SYT7: variants seen among roughly 807,000 people sequenced by gnomAD.
The protein encoded by SYT7 is synaptotagmin-7.
In SYT7, 29 loss-of-function variants were observed where a neutral mutation model predicts 75.1. That is an observed-to-expected ratio of 0.39 (90% CI 0.29 to 0.53). SYT7 has a LOEUF of 0.53. Ranked by LOEUF, SYT7 falls within the 20% of genes least tolerant of loss-of-function variation. SYT7 has a pLI of 0.77. For synonymous variants in SYT7, 376 were observed against 401.7 expected, an observed-to-expected ratio of 0.94 and a Z score of 0.76; for missense variants, 693 against 953.2, an observed-to-expected ratio of 0.73 and a Z score of 3.59.
intron 1 of SYT7, among the ~76,000 whole-genome samples, chr11:61,570,880 G>T (rs2063902413): frequency 6.6e-6 from 1 of 152,086 alleles, no homozygotes; most frequent in Non-Finnish European, 1.5e-5. Context: ...ACCATCAAAG[G>T]GTAGGACCAG....
At chr11:61,547,094 A>G (rs2063213705) in intron 4 of SYT7, 83 bp downstream of exon 4, 15 of 1,464,422 alleles carry the variant, frequency 1.0e-5, no homozygotes, top group Non-Finnish European at 1.4e-5. Context: ...GAGCGGGTCC[A>G]GAGGTGGGTG....
intron 1 of SYT7, among the ~76,000 whole-genome samples, chr11:61,572,124 G>GC (rs1183934292): frequency 3.3e-5 from 5 of 152,162 alleles, no homozygotes; most frequent in African/African-American, 1.2e-4. Context: ...GTTGGGGGGG[G>GC]GGCACACAGA....
In SYT7 at chr11:61,541,295, G is replaced by A. The variant is rs1028522469; in HGVS notation, c.941+916C>T. On this transcript the variant is annotated intron_variant, in intron 6 of 12. Transcript: ENST00000539008. ...CCTGGGCGATGGGAACAATCCCCAG[G>A]GCCTGGAAGGAAGCTCACGTTAGGG... 10 of 985,400 alleles carry A rather than the reference G, an allele frequency of 1.0e-5. 1 individual carries two copies. The African/African-American group carries it at 1.6e-4, about 16-fold the overall frequency. 61.0% of individuals were successfully genotyped at this position (985,400 alleles called of 1,614,324 possible).
rs1032433183 is a variant in SYT7, at chr11:61,553,600, T to C, written c.136-2137A>G. On this transcript the variant is annotated intron_variant, in intron 2 of 12. Coordinates refer to ENST00000539008, the MANE Select transcript of SYT7 (RefSeq NM_001365809.2). The surrounding 1 kb of genome is among the most constrained non-coding windows in gnomAD (Gnocchi z 5.2). ...CTCTGCAGCAGGAGCCGAGGTGCTA[T>C]GGGGGACAGGAACCAGGCCAGGACT... 2.0e-5 allele frequency among the ~76,000 whole-genome samples: 3 copies of C among 152,144 alleles called. No homozygotes were observed. The highest frequency in any genetic ancestry group is 4.8e-5 in the African/African-American group (2 of 41,534).
At chr11:61,537,960 C>T (rs577742249) in intron 7 of SYT7, among the ~76,000 whole-genome samples, 184 bp downstream of exon 7, 1 of 152,170 alleles carries the variant, frequency 6.6e-6, no homozygotes, top group Non-Finnish European at 1.5e-5. Flanking sequence ...GCCTCAGACC[C>T]CAGGGACACC....
At chr11:61,531,112 C>T (rs1285411676) in intron 8 of SYT7, 1 of 985,354 alleles carries the variant, frequency 1.0e-6, no homozygotes, top group African/African-American at 1.7e-5. Context: ...CCAGGACAGG[C>T]TGAGGTCACA....
In SYT7 at chr11:61,524,080, C is replaced by T. The variant is rs1430702021; in HGVS notation, c.1642-139G>A. On this transcript the variant is annotated intron_variant, in intron 10 of 12. Coordinates refer to ENST00000539008, the MANE Select transcript of SYT7 (RefSeq NM_001365809.2). This position sits in a 1 kb window ranked among gnomAD's most constrained non-coding sequence, Gnocchi z 4.1. ...CTGTCACCTCTGTCTCACTCTGTCT[C>T]CCCCCATCTGGCAGGTGTGTGTACT... The T allele has an allele frequency of 2.4e-6, 2 of 826,258 alleles. No individual in the cohort carries two copies. The highest frequency in any genetic ancestry group is 2.3e-5 in the Admixed American group (1 of 42,850). The allele number at this position is 826,258 out of a possible 1,614,324, so 51.2% of individuals were successfully genotyped here.
upstream of SYT7, chr11:61,581,083 G>A (rs897937046): frequency 5.5e-6 from 2 of 362,528 alleles, no homozygotes; most frequent in African/African-American, 2.2e-5. Flanking sequence ...GTGCGCGCCG[G>A]AGCGTGTGTG....
chr11:61,557,755 G>T (rs2063535286), intron 1 of SYT7, among the ~76,000 whole-genome samples: 1 of 152,234 alleles, frequency 6.6e-6, no homozygotes, highest in Non-Finnish European at 1.5e-5. Flanking sequence ...GCACCCAGGA[G>T]CTCTGACCTG....
chr11:61,542,906 G>A lies in SYT7; in HGVS notation c.573-327C>T, dbSNP rs938343743. Among the ~76,000 whole-genome samples the A allele has an allele frequency of 2.6e-5, 4 of 152,218 alleles. No homozygotes were observed. Among genetic ancestry groups the A allele is most frequent in the Admixed American group, 6.5e-5 (1 of 15,282 alleles). On this transcript the variant is annotated intron_variant, in intron 5 of 12. Coordinates refer to ENST00000539008, the MANE Select transcript of SYT7 (RefSeq NM_001365809.2). This position sits in a 1 kb window ranked among gnomAD's most constrained non-coding sequence, Gnocchi z 7.8. ...GGGCTGCGAGTGCTGCTGAGGCTGC[G>A]TGGTGAAGGCAGGTCCCCTGGGCCC...
chr11:61,528,077 C>T lies in SYT7; in HGVS notation c.1309G>A (p.Val437Met), dbSNP rs382505. The change falls in exon 9 of 13, where the codon GTG (valine) becomes ATG (methionine). Residue 437 changes from valine to methionine, a missense_variant. Physicochemically the swap from Val to Met is conservative, Grantham distance 21. Around this residue, in one of 2 missense-constraint regions of SYT7, gnomAD observed 206 missense variants for 360.0 expected, o/e 0.57. Transcript: ENST00000539008. ...GYNFQESTLT[V>M]KIMKAQELPA... ...AGCTCCTGGGCCTTCATGATCTTCA[C>T]GGTGAGCGTGGACTCCTGGAAGTTG... The T allele has an allele frequency of 1.9e-6, 3 of 1,613,936 alleles. No homozygotes were observed. The highest frequency in any genetic ancestry group is 1.1e-5 in the South Asian group (1 of 91,080).
intron 2 of SYT7, among the ~76,000 whole-genome samples, chr11:61,554,038 G>A (rs1288998483): frequency 6.6e-6 from 1 of 152,098 alleles, no homozygotes; most frequent in Non-Finnish European, 1.5e-5. Context: ...AGTCAAGAGG[G>A]ACAGCCTGCG....
At chr11:61,531,013 C>A (rs948457696) in intron 8 of SYT7, 2 of 985,354 alleles carry the variant, frequency 2.0e-6, no homozygotes, top group Non-Finnish European at 2.4e-6. Flanking sequence ...TTCTCAGACA[C>A]CTCTGCCCCT....
At chr11:61,541,594 G>A (rs2063043106) in intron 6 of SYT7, among the ~76,000 whole-genome samples, 1 of 152,120 alleles carries the variant, frequency 6.6e-6, no homozygotes, top group Non-Finnish European at 1.5e-5. Flanking sequence ...TTGTCCTCAG[G>A]GGATGGGTCA....
intron 3 of SYT7, among the ~76,000 whole-genome samples, chr11:61,549,743 G>C (rs2063293177): frequency 6.6e-6 from 1 of 152,220 alleles, no homozygotes; most frequent in Non-Finnish European, 1.5e-5. Flanking sequence ...GAGTGCGGGG[G>C]CTGCAGGACC....
At chr11:61,548,573 C>A (rs1007335284) in intron 3 of SYT7, among the ~76,000 whole-genome samples, 5 of 152,124 alleles carry the variant, frequency 3.3e-5, no homozygotes, top group Non-Finnish European at 7.4e-5. Flanking sequence ...GGAAGGGGCC[C>A]CAGGAAGAGC....
Position 61,524,035 on chromosome 11 carries a change from G to A in SYT7, c.1642-94C>T. 1 of 1,146,078 alleles carries A rather than the reference G, an allele frequency of 8.7e-7. No homozygotes were observed. The highest frequency in any genetic ancestry group is 1.3e-6 in the Non-Finnish European group (1 of 772,122). 71.0% of individuals were successfully genotyped at this position (1,146,078 alleles called of 1,614,324 possible). On this transcript the variant is annotated intron_variant, in intron 10 of 12. Transcript: ENST00000539008. This position sits in a 1 kb window ranked among gnomAD's most constrained non-coding sequence, Gnocchi z 4.1. ...CCAGGTCCCCTCTACCCTGACCTTG[G>A]TGCTTACCCATGCCCCTGTCTGTCA...
rs1253553442 is a variant in SYT7, at chr11:61,524,212, T to C, written c.1641+151A>G. On this transcript the variant is annotated intron_variant, in intron 10 of 12. Coordinates refer to ENST00000539008, the MANE Select transcript of SYT7 (RefSeq NM_001365809.2). This position sits in a 1 kb window ranked among gnomAD's most constrained non-coding sequence, Gnocchi z 4.1. ...AAGTGCCAAGCACCAATGTTCTGAC[T>C]GCTAGCGAGGGCTGAGCTCCATCGG... 1 of 952,976 alleles carries C rather than the reference T, an allele frequency of 1.0e-6. No homozygotes were observed. The highest frequency in any genetic ancestry group is 1.7e-5 in the African/African-American group (1 of 60,496). 59.0% of individuals were successfully genotyped at this position (952,976 alleles called of 1,614,324 possible).
upstream of SYT7, among the ~76,000 whole-genome samples, chr11:61,584,575 T>C (rs1340997978): frequency 6.6e-6 from 1 of 152,198 alleles, no homozygotes; most frequent in African/African-American, 2.4e-5. Flanking sequence ...CCATGAACCA[T>C]TCTGCTGCAT....
Sources: allele counts gnomAD v4.1 joint callset (sites outside exome capture counted in the v4.1 genomes callset), GRCh38; gene constraint gnomAD v4.1.1; regional missense constraint gnomAD v4.1.1; non-coding constraint Gnocchi (gnomAD v3.1); transcripts MANE v1.5; gene names NCBI Gene and HGNC (gene_info 2026-07-23, HGNC 2026-07-21).